The following TAPBP variants were observed in gnomAD, a reference collection of about 807,000 sequenced individuals.
The protein encoded by TAPBP is tapasin.
Under a neutral mutation model 45.7 loss-of-function variants are expected in TAPBP, and 38 were observed. That is an observed-to-expected ratio of 0.83 (90% confidence interval 0.64 to 1.09). The LOEUF is 1.09. Among genes scored for constraint, TAPBP ranks in the 50% least tolerant of loss-of-function variants. The probability of loss-of-function intolerance (pLI) is 0.00; values close to 1 mark genes in which losing one functional copy is unlikely to be tolerated. For synonymous variants in TAPBP, 226 were observed against 254.8 expected (o/e 0.89, Z 1.08); for missense variants, 513 against 587.3 (o/e 0.87, Z 1.31).
chr6:33,307,723 C>T (rs1769072356), intron 3 of TAPBP, among the ~76,000 whole-genome samples: 1 of 152,148 alleles, frequency 6.6e-6, no homozygotes, highest in Non-Finnish European at 1.5e-5. Flanking sequence ...TTCTTACACA[C>T]TGTGTGTCCT....
At chr6:33,312,679 G>T (rs1413439162) in intron 3 of TAPBP, among the ~76,000 whole-genome samples, 3 of 152,230 alleles carry the variant, frequency 2.0e-5, no homozygotes, top group Non-Finnish European at 4.4e-5. Flanking sequence ...TCCCTACACG[G>T]GGCTGTCAGG....
rs879252472 is a variant in TAPBP at position 33,301,617 on chromosome 6, GAAAA to G, written c.*139_*142del. 1 of 457,246 alleles carries G rather than the reference GAAAA, an allele frequency of 2.2e-6. No homozygotes were observed. The highest frequency in any genetic ancestry group is 2.8e-5 in the South Asian group (1 of 35,706). The allele number at this position is 457,246 out of a possible 1,614,324, so 28.3% of individuals were successfully genotyped here. A position where few individuals can be genotyped will look rare whatever the true frequency, so the allele number is the denominator to read the frequency against. On this transcript the variant is annotated 3_prime_UTR_variant, in exon 8 of 8. Transcript: ENST00000434618. ...AAAATTATCCCTTATATAAGTGAAA[GAAAA>G]AAAAAAAAGCATTCCAGCCACTCAG...
At chr6:33,307,023 C>A (rs1356301306) in intron 3 of TAPBP, among the ~76,000 whole-genome samples, 1 of 149,746 alleles carries the variant, frequency 6.7e-6, no homozygotes, top group Non-Finnish European at 1.5e-5. Context: ...CGTGGTGGCT[C>A]ACACCTGTAA....
At chr6:33,309,681 G>A (rs1450180314) in intron 3 of TAPBP, among the ~76,000 whole-genome samples, 2 of 115,038 alleles carry the variant, frequency 1.7e-5, no homozygotes, top group Non-Finnish European at 3.3e-5. Context: ...ACAGCCTCCC[G>A]AGTAGCTGGG....
In TAPBP at chr6:33,313,976, T is replaced by G. The variant is rs1412909938; in HGVS notation, c.37+29A>C. 1.2e-6 allele frequency: 2 copies of G among 1,613,918 alleles called. No homozygotes were observed. Among genetic ancestry groups the G allele is most frequent in the Non-Finnish European group, 1.7e-6 (2 of 1,180,004 alleles). ...ACCTCCCTCCGCTTCCCTCTAGTTCTTGGGCGATGAGTCGCGGGGTTCGCT... is the reference window on the plus strand; with the variant it reads ...ACCTCCCTCCGCTTCCCTCTAGTTCGTGGGCGATGAGTCGCGGGGTTCGCT... On this transcript the variant is annotated intron_variant, in intron 1 of 7. Transcript: ENST00000434618. This position sits in a 1 kb window ranked among gnomAD's most constrained non-coding sequence, Gnocchi z 7.2.
chr6:33,307,292 CTAAA>C (rs1405857293), intron 3 of TAPBP, among the ~76,000 whole-genome samples: 5 of 149,974 alleles, frequency 3.3e-5, no homozygotes, highest in East Asian at 2.0e-4. Context: ...CGTCTCAAAA[CTAAA>C]TAAATAAATA....
At chr6:33,311,951 G>C (rs910777506) in intron 3 of TAPBP, among the ~76,000 whole-genome samples, 1 of 152,166 alleles carries the variant, frequency 6.6e-6, no homozygotes, top group African/African-American at 2.4e-5. Context: ...CCAACAGTGT[G>C]GACTGAGAAC....
At position 33,304,337 on chromosome 6, in the gene TAPBP, A is replaced by C; in HGVS notation, c.1170T>G (p.Pro390=). 1 of 1,608,828 alleles carries C rather than the reference A, an allele frequency of 6.2e-7. No individual in the cohort carries two copies. ...TGACCTCAGCGCTGCGCCCCGAGGC[A>C]GGCAGGCTGGGATGGTGAATTCGAC... ...YACRIHHPSL[P]ASGRSAEVTL... Residue 390 remains proline (P), a synonymous_variant, in exon 5 of 8, where the codon CCT becomes CCG. Coordinates refer to ENST00000434618, the MANE Select transcript of TAPBP (RefSeq NM_003190.5).
chr6:33,310,817 C>T (rs1317919812), intron 3 of TAPBP, among the ~76,000 whole-genome samples: 1 of 152,108 alleles, frequency 6.6e-6, no homozygotes, highest in Non-Finnish European at 1.5e-5. Flanking sequence ...GCCTGGGCGA[C>T]AGAGGGAGAC....
chr6:33,311,492 G>A (rs915866325), intron 3 of TAPBP, among the ~76,000 whole-genome samples: 1 of 152,118 alleles, frequency 6.6e-6, no homozygotes, highest in African/African-American at 2.4e-5. Flanking sequence ...GCTGGGTGTG[G>A]TGGCAGGCAC....
rs148601579 is a variant in TAPBP, at chr6:33,313,260, C to T, written c.426G>A (p.Gln142=). The change falls in exon 3 of 8, where the codon CAG becomes CAA. Residue 142 remains glutamine (Q), a synonymous_variant. Coordinates refer to ENST00000434618, the MANE Select transcript of TAPBP (RefSeq NM_003190.5). This position sits in a 1 kb window ranked among gnomAD's most constrained non-coding sequence, Gnocchi z 7.2. ...GAACAGGCTCCTGCTGAGGCTCTGGCTGTGGTCGCAAGAGGCTGGAGAGGC... is the reference window on the plus strand; with the variant it reads ...GAACAGGCTCCTGCTGAGGCTCTGGTTGTGGTCGCAAGAGGCTGGAGAGGC... The part of the protein sequence containing the change: ...VLSLSSLLRP[Q]PEPQQEPVLI... The T allele has an allele frequency of 1.9e-6, 3 of 1,613,962 alleles. No individual in the cohort carries two copies. Among genetic ancestry groups the T allele is most frequent in the African/African-American group, 2.7e-5 (2 of 74,940 alleles).
chr6:33,307,301 T>C (rs1769040738), intron 3 of TAPBP, among the ~76,000 whole-genome samples: 1 of 146,564 alleles, frequency 6.8e-6, no homozygotes, highest in Non-Finnish European at 1.5e-5. Flanking sequence ...ACTAAATAAA[T>C]AAATAAAATA....
chr6:33,313,792 C>A lies in TAPBP; in HGVS notation c.110G>T (p.Gly37Val), dbSNP rs775103349. ...CAGTGCACCGGGTCTCTTGGCCAGG[C>A]CCTTTCCGCTCGCATCCTCCACGAA... is the stretch of plus-strand genomic sequence containing the variant. ...CWFVEDASGK[G>V]LAKRPGALLL... Residue 37 changes from glycine to valine, a missense_variant, in exon 2 of 8, where the codon GGC becomes GTC. Physicochemically the swap from Gly to Val is moderately radical, Grantham distance 109. Transcript: ENST00000434618. This position sits in a 1 kb window ranked among gnomAD's most constrained non-coding sequence, Gnocchi z 7.2. The A allele has an allele frequency of 6.2e-7, 1 of 1,613,776 alleles. No individual in the cohort carries two copies. The highest frequency in any genetic ancestry group is 2.2e-5 in the East Asian group (1 of 44,862).
Position 33,314,023 on chromosome 6 carries a change from G to T in TAPBP, c.19C>A (p.Leu7Ile). 6.2e-7 allele frequency: 1 copy of T among 1,614,028 alleles called. No individual in the cohort carries two copies. The highest frequency in any genetic ancestry group is 8.5e-7 in the Non-Finnish European group (1 of 1,180,032). MKSLSLLLAVALGLATA... is the reference protein window; with the variant it reads MKSLSLILAVALGLATA... ...CGCTCACCCAAAGCCACAGCGAGGA[G>T]CAGAGACAGGGACTTCATGGCGCTG... The change falls in exon 1 of 8, where the codon CTC becomes ATC. Residue 7 changes from leucine (L) to isoleucine (I), a missense_variant. Coordinates refer to ENST00000434618, the MANE Select transcript of TAPBP (RefSeq NM_003190.5).
At chr6:33,304,060 G>C in intron 6 of TAPBP, 68 bp downstream of exon 6, 1 of 1,611,552 alleles carries the variant, frequency 6.2e-7, no homozygotes, top group South Asian at 1.1e-5. Context: ...ATGGGTGTCA[G>C]GCTCTTGGGA....
In TAPBP at chr6:33,305,418, A is replaced by AG. The variant is rs748102179; in HGVS notation, c.470-32dup. 6.7e-7 allele frequency: 1 copy of AG among 1,496,828 alleles called. No homozygotes were observed. Among genetic ancestry groups the AG allele is most frequent in the Admixed American group, 2.5e-5 (1 of 40,306 alleles). The allele number at this position is 1,496,828 out of a possible 1,614,324, so 92.7% of individuals were successfully genotyped here. On this transcript the variant is annotated intron_variant, in intron 3 of 7. Coordinates refer to ENST00000434618, the MANE Select transcript of TAPBP (RefSeq NM_003190.5). This position sits in a 1 kb window ranked among gnomAD's most constrained non-coding sequence, Gnocchi z 4.4. ...GAAGACAGGGAGATGAGGGGTTGGG[A>AG]GGGGCATGAGGGAGAGAAAGAAGGA...
At chr6:33,310,496 ACT>A (rs1323500027) in intron 3 of TAPBP, among the ~76,000 whole-genome samples, 1 of 120,832 alleles carries the variant, frequency 8.3e-6, no homozygotes, top group Non-Finnish European at 1.6e-5. Flanking sequence ...ACAGGGTGAG[ACT>A]CTGTCTCAAA....
Position 33,305,284 on chromosome 6 carries a change from G to A in TAPBP, c.573C>T (p.Ala191=), listed in dbSNP as rs34349100. 623 of 1,588,184 alleles carry A rather than the reference G, an allele frequency of 3.9e-4. 3 individuals carry two copies. In the African/African-American group the frequency reaches 7.9e-3, roughly 20 times the overall value. The change falls in exon 4 of 8, where the codon GCC becomes GCT. Residue 191 remains alanine, a synonymous_variant. Coordinates refer to ENST00000434618, the MANE Select transcript of TAPBP (RefSeq NM_003190.5). This position sits in a 1 kb window ranked among gnomAD's most constrained non-coding sequence, Gnocchi z 4.4. ...SFAYMPPTSE[A]ASSLAPGPPP... is the part of the protein sequence containing the mutation. ...GGGGACCCGGAGCCAGAGATGAGGC[G>A]GCCTCGGAGGTGGGGGGCATGTAGG...
intron 3 of TAPBP, among the ~76,000 whole-genome samples, chr6:33,306,316 A>G (rs1768965430): frequency 6.6e-6 from 1 of 152,216 alleles, no homozygotes; most frequent in African/African-American, 2.4e-5. Context: ...GCCAGACACT[A>G]AAAGCAAACC....
Sources: allele counts gnomAD v4.1 joint callset (sites outside exome capture counted in the v4.1 genomes callset), GRCh38; gene constraint gnomAD v4.1.1; non-coding constraint Gnocchi (gnomAD v3.1); transcripts MANE v1.5; gene names NCBI Gene and HGNC (gene_info 2026-07-23, HGNC 2026-07-21).